RAB31: variants seen among roughly 807,000 people sequenced by gnomAD.
The protein encoded by RAB31 is ras-related protein Rab-31.
RAB31 carries 21 observed loss-of-function variants against 25.6 expected under a neutral mutation model. The ratio of observed to expected loss-of-function variants is 0.82; its 90% CI spans 0.58 to 1.18. The LOEUF is 1.18. Ranked by LOEUF, RAB31 falls within the 50% of genes most tolerant of loss-of-function variation. The probability of loss-of-function intolerance (pLI) is 0.00; values close to 1 mark genes in which losing one functional copy is unlikely to be tolerated. For missense variants in RAB31, 196 were observed against 250.1 expected (o/e 0.78, Z 1.46); for synonymous variants, 87 against 84.0 (o/e 1.04, Z -0.20).
intron 1 of RAB31, among the ~76,000 whole-genome samples, chr18:9,723,262 G>T (rs1460646111): frequency 6.6e-6 from 1 of 152,008 alleles, no homozygotes; most frequent in African/African-American, 2.4e-5. Flanking sequence ...TGTCCAGGCT[G>T]GTCTCAAACT....
Position 9,730,072 on chromosome 18 carries a change from A to G in RAB31, c.39+21628A>G, listed in dbSNP as rs149346040. On this transcript the variant is annotated intron_variant, in intron 1 of 6. Transcript: ENST00000578921. ...AAATAACTTTTTTGGAAGGAACATA[A>G]TCTGAGCCATTCAGATACAACGAAA... Among the ~76,000 whole-genome samples the G allele has an allele frequency of 5.9e-5, 9 of 152,320 alleles. No homozygotes were observed. The East Asian group carries it at 1.7e-3, about 29-fold the overall frequency.
At chr18:9,782,205 T>C (rs570627256) in intron 2 of RAB31, among the ~76,000 whole-genome samples, 1 of 152,242 alleles carries the variant, frequency 6.6e-6, no homozygotes, top group Non-Finnish European at 1.5e-5. Flanking sequence ...TCCTGCCTGG[T>C]CCCTAGACAT....
chr18:9,731,593 T>A (rs2068122858), intron 1 of RAB31, among the ~76,000 whole-genome samples: 1 of 136,308 alleles, frequency 7.3e-6, no homozygotes, highest in Non-Finnish European at 1.5e-5. Context: ...TTCTGGGAAT[T>A]TGCTTTTTTT....
At chr18:9,753,370 G>C (rs1206762671) in intron 1 of RAB31, among the ~76,000 whole-genome samples, 1 of 152,110 alleles carries the variant, frequency 6.6e-6, no homozygotes, top group Non-Finnish European at 1.5e-5. Flanking sequence ...CTTTATAAGG[G>C]GAGAAAGAAA....
chr18:9,844,472 T>G (rs1286626566), intron 5 of RAB31, among the ~76,000 whole-genome samples: 1 of 152,218 alleles, frequency 6.6e-6, no homozygotes, highest in African/African-American at 2.4e-5. Context: ...GGCATCTTCC[T>G]GGGGTCTATT....
chr18:9,829,727 C>T (rs562504126), intron 5 of RAB31, among the ~76,000 whole-genome samples: 1 of 152,190 alleles, frequency 6.6e-6, no homozygotes, highest in Non-Finnish European at 1.5e-5. Flanking sequence ...ATAGTGCTAT[C>T]TGACAGTCAT....
At chr18:9,778,863 T>C (rs985771637) in intron 2 of RAB31, among the ~76,000 whole-genome samples, 19 of 152,242 alleles carry the variant, frequency 1.2e-4, no homozygotes, top group African/African-American at 4.6e-4. Context: ...TTCACAAATA[T>C]TTTGTAAGTG....
At chr18:9,813,855 A>T (rs971664653) in intron 3 of RAB31, among the ~76,000 whole-genome samples, 165 bp from the exon 4 acceptor site, 12 of 152,176 alleles carry the variant, frequency 7.9e-5, no homozygotes, top group African/African-American at 2.9e-4. Flanking sequence ...TCCATCTCAA[A>T]AAAATAAAAT....
At chr18:9,855,649 T>C (rs895058240) in intron 6 of RAB31, among the ~76,000 whole-genome samples, 1 of 152,172 alleles carries the variant, frequency 6.6e-6, no homozygotes, top group Non-Finnish European at 1.5e-5. Context: ...TCTGGTTTCC[T>C]GGTGCAGGCT....
At chr18:9,734,900 G>A (rs978653829) in intron 1 of RAB31, 3 of 299,118 alleles carry the variant, frequency 1.0e-5, no homozygotes, top group African/African-American at 2.2e-5. Context: ...CCTTCATGAT[G>A]ACAGACTGCT....
At chr18:9,828,428 C>T (rs1415940587) in intron 5 of RAB31, among the ~76,000 whole-genome samples, 2 of 152,126 alleles carry the variant, frequency 1.3e-5, no homozygotes, top group Admixed American at 6.6e-5. Flanking sequence ...CTGTGGGAGC[C>T]GTTCTAGTGT....
At position 9,854,418 on chromosome 18, in the gene RAB31, G is replaced by C. The variant is rs117823044; in HGVS notation, c.491-4810G>C. 8.9e-3 allele frequency among the ~76,000 whole-genome samples: 1,350 copies of C among 151,938 alleles called. 10 individuals are homozygous for C. Among genetic ancestry groups the C allele is most frequent in the East Asian group, 0.034 (176 of 5,170 alleles). Reference sequence around the variant, plus strand: ...TAGACTTTTAACTTCAGGCTTTTTGGTCTCTGTCTTGACTCTCCCGCCTCC... The same window carrying C: ...TAGACTTTTAACTTCAGGCTTTTTGCTCTCTGTCTTGACTCTCCCGCCTCC... On this transcript the variant is annotated intron_variant, in intron 6 of 6. Coordinates refer to ENST00000578921, the MANE Select transcript of RAB31 (RefSeq NM_006868.4).
At chr18:9,753,887 G>A (rs1021416368) in intron 1 of RAB31, among the ~76,000 whole-genome samples, 4 of 152,180 alleles carry the variant, frequency 2.6e-5, no homozygotes, top group African/African-American at 9.7e-5. Flanking sequence ...AAGATAGGTA[G>A]GTTAAGATGA....
At chr18:9,844,084 A>G (rs1478885543) in intron 5 of RAB31, among the ~76,000 whole-genome samples, 1 of 152,066 alleles carries the variant, frequency 6.6e-6, no homozygotes, top group African/African-American at 2.4e-5. Context: ...GAGGATTGTG[A>G]TACTCTTGCC....
intron 3 of RAB31, among the ~76,000 whole-genome samples, chr18:9,799,339 C>T (rs921942478): frequency 4.6e-5 from 7 of 152,226 alleles, no homozygotes; most frequent in Non-Finnish European, 1.0e-4. Flanking sequence ...ACATACACAG[C>T]ATTCTGGTTA....
chr18:9,786,177 GAAAGA>G (rs2068431859), intron 2 of RAB31, among the ~76,000 whole-genome samples: 1 of 151,422 alleles, frequency 6.6e-6, no homozygotes, highest in South Asian at 2.1e-4. Flanking sequence ...GAAAAGGAAA[GAAAGA>G]AAAGAGAATG....
Position 9,766,201 on chromosome 18 carries a change from C to T in RAB31, c.40-9077C>T, listed in dbSNP as rs36040959. Among the ~76,000 whole-genome samples, 6,902 of 152,194 alleles carry T rather than the reference C, an allele frequency of 0.045. 269 individuals carry two copies. Among genetic ancestry groups the T allele is most frequent in the South Asian group, 0.13 (609 of 4,822 alleles). ...CATCCAGTAACCCTGGCCTGGATTG[C>T]TAAGGCCAGGGCCCGGGAGCTGGGC... On this transcript the variant is annotated intron_variant, in intron 1 of 6. Transcript: ENST00000578921. This position sits in a 1 kb window ranked among gnomAD's most constrained non-coding sequence, Gnocchi z 4.3.
intron 5 of RAB31, among the ~76,000 whole-genome samples, chr18:9,837,005 A>G (rs1320082204): frequency 1.3e-5 from 2 of 150,272 alleles, no homozygotes; most frequent in Non-Finnish European, 3.0e-5. Flanking sequence ...CAAAGGGGAG[A>G]GTCTGTGTGT....
chr18:9,835,212 G>C (rs752056226), intron 5 of RAB31, among the ~76,000 whole-genome samples: 9 of 152,092 alleles, frequency 5.9e-5, no homozygotes, highest in Admixed American at 4.6e-4. Context: ...TGACCGTCAT[G>C]GTATCTTGCA....
Sources: gnomAD v4.1 joint callset for allele counts (sites outside exome capture counted in the v4.1 genomes callset) on GRCh38, gnomAD v4.1.1 for gene constraint, Gnocchi (gnomAD v3.1) non-coding constraint, MANE v1.5 for transcripts, NCBI Gene and HGNC (gene_info 2026-07-23, HGNC 2026-07-21) for gene names.